Variants in MED13L observed in about 807,000 individuals in gnomAD.
MED13L encodes mediator of RNA polymerase II transcription subunit 13-like.
In MED13L, 7 loss-of-function variants were observed where a neutral mutation model predicts 220.9. The observed-to-expected ratio is 0.03, with a 90% CI of 0.02 to 0.06. The LOEUF (loss-of-function observed/expected upper bound fraction) is 0.06. Ranked by LOEUF, MED13L falls within the 10% of genes least tolerant of loss-of-function variation. The pLI is 1.00. For missense variants in MED13L, 1,965 were observed against 2,760.5 expected (o/e 0.71, Z 6.46); for synonymous variants, 1,011 against 1,015.2 (o/e 1.00, Z 0.08).
chr12:116,236,749 C>G (rs1478557242), intron 2 of MED13L: 1 of 737,556 alleles, frequency 1.4e-6, no homozygotes, highest in Non-Finnish European at 1.7e-6. Context: ...AATTCAAAGA[C>G]AACTGATAAA....
chr12:116,007,796 AAT>A (rs947552667), intron 10 of MED13L, 160 bp from the exon 11 acceptor site: 8 of 669,342 alleles, frequency 1.2e-5, no homozygotes, highest in African/African-American at 7.3e-5. Flanking sequence ...CTTTGTCAAG[AAT>A]ATATGTTTTT....
At chr12:116,272,293 T>C (rs1448248957) in intron 1 of MED13L, among the ~76,000 whole-genome samples, 1 of 152,154 alleles carries the variant, frequency 6.6e-6, no homozygotes, top group East Asian at 1.9e-4. Flanking sequence ...CCGGGCGCAG[T>C]GGCTCATGCC....
intron 2 of MED13L, among the ~76,000 whole-genome samples, chr12:116,131,558 T>C (rs1876067167): frequency 1.3e-5 from 2 of 152,228 alleles, no homozygotes; most frequent in Admixed American, 1.3e-4. Context: ...TCCAGAACTG[T>C]CATCTTTAAC....
chr12:116,174,121 AAACTT>A (rs1879879145), intron 2 of MED13L, among the ~76,000 whole-genome samples: 1 of 152,220 alleles, frequency 6.6e-6, no homozygotes, highest in African/African-American at 2.4e-5. Context: ...AAAAACTCAA[AAACTT>A]AACCCCAAAT....
At chr12:116,218,892 C>G (rs1050539703) in intron 2 of MED13L, among the ~76,000 whole-genome samples, 1 of 152,088 alleles carries the variant, frequency 6.6e-6, no homozygotes, top group Non-Finnish European at 1.5e-5. Flanking sequence ...TGCCACCACA[C>G]CTGGCTAATT....
chr12:116,023,790 G>GA (rs1361630524), intron 4 of MED13L, among the ~76,000 whole-genome samples: 2 of 151,808 alleles, frequency 1.3e-5, no homozygotes, highest in African/African-American at 4.8e-5. Context: ...AATTTTAAAA[G>GA]AATTTTGAAA....
rs764385703 is a variant in MED13L at position 115,996,640 on chromosome 12, A to T, written c.2832T>A (p.Phe944Leu). 1 of 1,614,114 alleles carries T rather than the reference A, an allele frequency of 6.2e-7. No individual in the cohort carries two copies. The highest frequency in any genetic ancestry group is 1.1e-5 in the South Asian group (1 of 91,080). Residue 944 changes from phenylalanine to leucine, a missense_variant, in exon 16 of 31, where the codon TTT (phenylalanine) becomes TTA (leucine). Around this residue, in one of 10 missense-constraint regions of MED13L, gnomAD observed 233 missense variants for 306.2 expected, o/e 0.76. Coordinates refer to ENST00000281928, the MANE Select transcript of MED13L (RefSeq NM_015335.5). ...YVHKVPSFQP[F>L]VGSSMFAPLK... ...GTGGAGCAAACATGGAGGATCCCACAAAAGGTTGAAAGGATGGAACTTTGT... is the reference window on the plus strand; with the variant it reads ...GTGGAGCAAACATGGAGGATCCCACTAAAGGTTGAAAGGATGGAACTTTGT...
At chr12:116,185,727 C>A (rs1880850889) in intron 2 of MED13L, among the ~76,000 whole-genome samples, 1 of 148,862 alleles carries the variant, frequency 6.7e-6, no homozygotes, top group Non-Finnish European at 1.5e-5. Flanking sequence ...ATAAGAGTCT[C>A]GCTCTGTCAC....
chr12:115,990,875 T>A, intron 17 of MED13L, 145 bp downstream of exon 17: 2 of 806,280 alleles, frequency 2.5e-6, no homozygotes, highest in Non-Finnish European at 4.0e-6. Flanking sequence ...TAGGATAAAA[T>A]CAATACAGCT....
intron 2 of MED13L, among the ~76,000 whole-genome samples, chr12:116,116,928 T>C (rs554390394): frequency 2.7e-3 from 401 of 150,854 alleles, no homozygotes; most frequent in Middle Eastern, 6.8e-3. Context: ...TACTCAAGTT[T>C]GGAGGATGTA....
intron 4 of MED13L, among the ~76,000 whole-genome samples, chr12:116,071,848 C>T (rs1234588800): frequency 6.6e-6 from 1 of 152,166 alleles, no homozygotes; most frequent in Non-Finnish European, 1.5e-5. Flanking sequence ...ACTACTATTA[C>T]AACATTAAAC....
chr12:116,095,258 A>G (rs1872555704), intron 4 of MED13L, among the ~76,000 whole-genome samples: 1 of 152,234 alleles, frequency 6.6e-6, no homozygotes, highest in South Asian at 2.1e-4. Flanking sequence ...GGGGAAAAAA[A>G]TCCCATTTCA....
At chr12:116,249,027 A>G (rs1871299666) in intron 1 of MED13L, among the ~76,000 whole-genome samples, 2 of 152,228 alleles carry the variant, frequency 1.3e-5, no homozygotes, top group African/African-American at 4.8e-5. Flanking sequence ...ATATTCAGGA[A>G]AAAAGCTCCA....
At chr12:116,105,844 T>C (rs865813052) in intron 3 of MED13L, among the ~76,000 whole-genome samples, 16 of 152,334 alleles carry the variant, frequency 1.1e-4, no homozygotes, top group Middle Eastern at 3.4e-3. Context: ...TTGGGTATCT[T>C]CCTACTGAAA....
intron 2 of MED13L, among the ~76,000 whole-genome samples, chr12:116,188,800 G>A (rs1001092089): frequency 1.6e-4 from 25 of 151,946 alleles, no homozygotes; most frequent in African/African-American, 6.0e-4. Flanking sequence ...TTTCAAGAAC[G>A]TTACATAAAT....
At chr12:116,179,468 G>C (rs1237117905) in intron 2 of MED13L, among the ~76,000 whole-genome samples, 2 of 151,882 alleles carry the variant, frequency 1.3e-5, no homozygotes, top group Non-Finnish European at 2.9e-5. Flanking sequence ...AAAATTATCA[G>C]GCATGGTGGT....
chr12:115,983,218 A>G lies in MED13L; in HGVS notation c.4854T>C (p.Thr1618=), dbSNP rs1231927640. The change falls in exon 21 of 31, where the codon ACT becomes ACC. Residue 1618 remains threonine (T), a synonymous_variant. Transcript: ENST00000281928. ...SGSVGGQNPS[T]GGISADRTQG... is the part of the protein sequence containing the mutation. ...GCGTTCTATCCGCAGAAATGCCCCCAGTGCTGGGGTTCTGCCCTCCAACAC... is the reference window on the plus strand; with the variant it reads ...GCGTTCTATCCGCAGAAATGCCCCCGGTGCTGGGGTTCTGCCCTCCAACAC... 1.2e-6 allele frequency: 2 copies of G among 1,614,000 alleles called. No homozygotes were observed. The highest frequency in any genetic ancestry group is 1.7e-6 in the Non-Finnish European group (2 of 1,179,988).
intron 2 of MED13L, among the ~76,000 whole-genome samples, chr12:116,196,605 A>G (rs1881641230): frequency 1.3e-5 from 2 of 152,226 alleles, no homozygotes; most frequent in African/African-American, 4.8e-5. Context: ...ATATACAATC[A>G]AAAAGCAAAC....
At chr12:116,081,385 A>G (rs1230439671) in intron 4 of MED13L, among the ~76,000 whole-genome samples, 1 of 152,210 alleles carries the variant, frequency 6.6e-6, no homozygotes, top group Non-Finnish European at 1.5e-5. Flanking sequence ...TAGTATATCT[A>G]GAAATAACTA....
Sources: gnomAD v4.1 joint callset for allele counts (sites outside exome capture counted in the v4.1 genomes callset) on GRCh38, gnomAD v4.1.1 for gene constraint, gnomAD v4.1.1 regional missense constraint, MANE v1.5 for transcripts, NCBI Gene and HGNC (gene_info 2026-07-23, HGNC 2026-07-21) for gene names.